The following ACTL8 variants were observed in gnomAD, a reference collection of about 807,000 sequenced individuals.
The protein encoded by ACTL8 is actin like 8, also known as actin-like protein 8.
Under a neutral mutation model 9.3 loss-of-function variants are expected in ACTL8, and 3 were observed. The ratio of observed to expected loss-of-function variants is 0.32; its 90% CI spans 0.15 to 0.83. ACTL8 has a LOEUF of 0.83. Ranked by LOEUF, ACTL8 falls within the 40% of genes least tolerant of loss-of-function variation. ACTL8 has a pLI of 0.57. For synonymous variants in ACTL8, 224 were observed against 205.9 expected, an observed-to-expected ratio of 1.09 and a Z score of -0.75; for missense variants, 381 against 492.2, an observed-to-expected ratio of 0.77 and a Z score of 2.14.
chr1:17,821,104 ATTC>A (rs1203624991), intron 1 of ACTL8, among the ~76,000 whole-genome samples: 1 of 151,838 alleles, frequency 6.6e-6, no homozygotes, highest in Non-Finnish European at 1.5e-5. Context: ...TGGTGAAGTG[ATTC>A]TTCAAAGCTT....
chr1:17,817,451 C>G (rs1362122015), intron 1 of ACTL8, among the ~76,000 whole-genome samples: 1 of 152,078 alleles, frequency 6.6e-6, no homozygotes, highest in Non-Finnish European at 1.5e-5. Context: ...AATGGATAGT[C>G]CTTTGTTTTC....
intron 1 of ACTL8, among the ~76,000 whole-genome samples, chr1:17,764,492 G>A (rs2066030301): frequency 6.6e-6 from 1 of 152,134 alleles, no homozygotes; most frequent in Non-Finnish European, 1.5e-5. Context: ...ATGCTACGAG[G>A]TTCTGACAGG....
rs535077529 is a variant in ACTL8, at chr1:17,762,625, C to T, written c.-25+7121C>T. 5.9e-5 allele frequency among the ~76,000 whole-genome samples: 9 copies of T among 152,282 alleles called. No individual in the cohort carries two copies. The South Asian group carries it at 1.7e-3, about 28-fold the overall frequency. ...TGGTTGTGCACTGTGTCTGGAGCCC[C>T]TGGTCCCCGATATCGAACCCCAGGG... On this transcript the variant is annotated intron_variant, in intron 1 of 2. Transcript: ENST00000375406.
chr1:17,777,006 A>G (rs1007984648), intron 1 of ACTL8, among the ~76,000 whole-genome samples: 2 of 33,378 alleles, frequency 6.0e-5, no homozygotes, highest in East Asian at 7.4e-4. Flanking sequence ...TTTTTTTTTT[A>G]GAGATGGGGG....
At chr1:17,764,596 A>G (rs1274402796) in intron 1 of ACTL8, among the ~76,000 whole-genome samples, 1 of 151,420 alleles carries the variant, frequency 6.6e-6, no homozygotes, top group Non-Finnish European at 1.5e-5. Flanking sequence ...AGCATCTCTC[A>G]TCCTGATGCC....
chr1:17,803,113 T>C (rs1312336034), intron 1 of ACTL8, among the ~76,000 whole-genome samples: 1 of 152,166 alleles, frequency 6.6e-6, no homozygotes, highest in Admixed American at 6.5e-5. Flanking sequence ...TGGGAGGTAA[T>C]TGAGTCACGG....
intron 1 of ACTL8, among the ~76,000 whole-genome samples, chr1:17,822,401 C>G (rs1054198505): frequency 6.6e-6 from 1 of 152,186 alleles, no homozygotes; most frequent in Non-Finnish European, 1.5e-5. Context: ...ACAGTTTTAC[C>G]TAGTCCAACC....
At position 17,803,693 on chromosome 1, in the gene ACTL8, G is replaced by A. The variant is rs1275506722; in HGVS notation, c.-24-19292G>A. Among the ~76,000 whole-genome samples, 9 of 152,146 alleles carry A rather than the reference G, an allele frequency of 5.9e-5. 1 individual carries two copies. Among genetic ancestry groups the A allele is most frequent in the Admixed American group, 5.9e-4 (9 of 15,276 alleles). ...TAATACACCTGCCAAGGGTATAAGTGGGGAGTGAGAGTGTATGCTGCATTG... is the reference window on the plus strand; with the variant it reads ...TAATACACCTGCCAAGGGTATAAGTAGGGAGTGAGAGTGTATGCTGCATTG... On this transcript the variant is annotated intron_variant, in intron 1 of 2. Coordinates refer to ENST00000375406, the MANE Select transcript of ACTL8 (RefSeq NM_030812.3).
intron 1 of ACTL8, among the ~76,000 whole-genome samples, chr1:17,796,271 TGGAG>T (rs1432675793): frequency 6.7e-6 from 1 of 149,840 alleles, no homozygotes; most frequent in Non-Finnish European, 1.5e-5. Context: ...TTTAACTTGA[TGGAG>T]GGAGGAGGAT....
chr1:17,783,364 T>A (rs553890650), intron 1 of ACTL8, among the ~76,000 whole-genome samples: 81 of 141,686 alleles, frequency 5.7e-4, no homozygotes, highest in East Asian at 4.0e-3. Context: ...TTTTTTTTTT[T>A]AAAAAAACTC....
At chr1:17,822,590 A>G (rs2053672960) in intron 1 of ACTL8, among the ~76,000 whole-genome samples, 1 of 152,154 alleles carries the variant, frequency 6.6e-6, no homozygotes, top group African/African-American at 2.4e-5. Context: ...GTGCCCTCTA[A>G]TCAGGCAGCC....
intron 1 of ACTL8, among the ~76,000 whole-genome samples, chr1:17,765,759 C>T (rs925819898): frequency 2.6e-5 from 4 of 152,202 alleles, no homozygotes; most frequent in Non-Finnish European, 5.9e-5. Flanking sequence ...AATGTCTGGC[C>T]CCTTGCAGGG....
chr1:17,758,398 G>A (rs1447452729), intron 1 of ACTL8, among the ~76,000 whole-genome samples: 1 of 152,250 alleles, frequency 6.6e-6, no homozygotes, highest in Non-Finnish European at 1.5e-5. Context: ...TTTTATATGT[G>A]ATAGAAAGTT....
At chr1:17,777,854 T>G (rs1253831185) in intron 1 of ACTL8, among the ~76,000 whole-genome samples, 1 of 152,204 alleles carries the variant, frequency 6.6e-6, no homozygotes, top group East Asian at 1.9e-4. Context: ...TGTACCACCA[T>G]GCCCGGCTAA....
chr1:17,767,193 G>A lies in ACTL8; in HGVS notation c.-25+11689G>A, dbSNP rs990688298. On this transcript the variant is annotated intron_variant, in intron 1 of 2. Transcript: ENST00000375406. The surrounding 1 kb of genome is among the most constrained non-coding windows in gnomAD (Gnocchi z 4.7). ...AGAGCAGCGTCTGCAAAGGCCCTGCGGTGGGACTGTGGAGGCCTGCTCTGG... is the reference window on the plus strand; with the variant it reads ...AGAGCAGCGTCTGCAAAGGCCCTGCAGTGGGACTGTGGAGGCCTGCTCTGG... Among the ~76,000 whole-genome samples the A allele has an allele frequency of 3.3e-5, 5 of 152,138 alleles. No individual in the cohort carries two copies. The highest frequency in any genetic ancestry group is 9.7e-5 in the African/African-American group (4 of 41,444).
chr1:17,788,331 A>G (rs2066212939), intron 1 of ACTL8, among the ~76,000 whole-genome samples: 1 of 152,178 alleles, frequency 6.6e-6, no homozygotes, highest in Admixed American at 6.5e-5. Flanking sequence ...CTCCTGCCAC[A>G]TGCCTACCTT....
chr1:17,791,107 G>A (rs1384362143), intron 1 of ACTL8, among the ~76,000 whole-genome samples: 1 of 152,098 alleles, frequency 6.6e-6, no homozygotes, highest in African/African-American at 2.4e-5. Context: ...CAGGGGGTGG[G>A]GCCGGGCTCC....
intron 1 of ACTL8, among the ~76,000 whole-genome samples, chr1:17,805,236 G>C (rs1047643414): frequency 3.1e-4 from 47 of 151,996 alleles, no homozygotes; most frequent in African/African-American, 1.1e-3. Flanking sequence ...ACTACTTTGG[G>C]GTCTTGGCCA....
chr1:17,789,994 G>A (rs1387833637), intron 1 of ACTL8, among the ~76,000 whole-genome samples: 2 of 152,220 alleles, frequency 1.3e-5, no homozygotes, highest in East Asian at 1.9e-4. Context: ...AGAGTCAAGT[G>A]TGGAATGGCA....
Sources: gnomAD v4.1 joint callset for allele counts (sites outside exome capture counted in the v4.1 genomes callset) on GRCh38, gnomAD v4.1.1 for gene constraint, Gnocchi (gnomAD v3.1) non-coding constraint, MANE v1.5 for transcripts, NCBI Gene and HGNC (gene_info 2026-07-23, HGNC 2026-07-21) for gene names.